Variants in PDE4D observed in about 807,000 individuals in gnomAD.
PDE4D encodes the protein 3',5'-cyclic-AMP phosphodiesterase 4D.
In PDE4D, 24 loss-of-function variants were observed where a neutral mutation model predicts 87.4. The observed-to-expected ratio is 0.27, with a 90% CI of 0.20 to 0.39. The LOEUF (loss-of-function observed/expected upper bound fraction) is 0.39. Ranked by LOEUF, PDE4D falls within the 10% of genes least tolerant of loss-of-function variation. The pLI, the probability that PDE4D is intolerant of heterozygous loss-of-function variation, is 1.00. For synonymous variants in PDE4D, 384 were observed against 383.2 expected, an observed-to-expected ratio of 1.00 and a Z score of -0.02; for missense variants, 714 against 1,041.0, an observed-to-expected ratio of 0.69 and a Z score of 4.32.
chr5:59,433,683 T>C (rs1292974244), intron 1 of PDE4D, among the ~76,000 whole-genome samples: 2 of 152,102 alleles, frequency 1.3e-5, no homozygotes, highest in African/African-American at 4.8e-5. Context: ...TGTTTGTTTT[T>C]GCATACTGGG....
At position 58,973,875 on chromosome 5, in the gene PDE4D, G is replaced by GAATC. The variant is rs1348951779; in HGVS notation, c.*785_*788dup. On this transcript the variant is annotated 3_prime_UTR_variant, in exon 15 of 15. Transcript: ENST00000340635. ...GTCATTGGTATATAAAACAAACAAT[G>GAATC]AATCACTACAAATCAGTTAATTGCT... is the stretch of plus-strand genomic sequence containing the variant. 7.9e-5 allele frequency: 12 copies of GAATC among 152,492 alleles called. 1 individual carries two copies. The South Asian group carries it at 1.3e-3, about 16-fold the overall frequency. 9.4% of individuals were successfully genotyped at this position (152,492 alleles called of 1,614,324 possible).
intron 2 of PDE4D, among the ~76,000 whole-genome samples, chr5:60,027,279 G>C (rs756194236): frequency 6.6e-5 from 10 of 151,928 alleles, no homozygotes; most frequent in Non-Finnish European, 1.2e-4. Context: ...CTTTATATCT[G>C]TGTATAACCA....
At chr5:60,344,049 A>C (rs1758534133) in intron 1 of PDE4D, among the ~76,000 whole-genome samples, 1 of 151,790 alleles carries the variant, frequency 6.6e-6, no homozygotes, top group East Asian at 1.9e-4. Context: ...TTACAGAGTT[A>C]TAAACTGGCA....
intron 1 of PDE4D, among the ~76,000 whole-genome samples, chr5:60,208,073 A>C (rs575613577): frequency 6.6e-6 from 1 of 152,376 alleles, no homozygotes; most frequent in East Asian, 1.9e-4. Flanking sequence ...ACAGCAGTGA[A>C]CAAAAAGAAA....
chr5:60,145,270 T>C (rs771278998), intron 2 of PDE4D, among the ~76,000 whole-genome samples: 9 of 152,190 alleles, frequency 5.9e-5, no homozygotes, highest in Non-Finnish European at 5.9e-5. Context: ...GGGTCATCAC[T>C]TATCTCTGAG....
intron 6 of PDE4D, among the ~76,000 whole-genome samples, chr5:59,005,119 A>G (rs1256003020): frequency 1.3e-5 from 2 of 152,210 alleles, no homozygotes; most frequent in Non-Finnish European, 2.9e-5. Flanking sequence ...AATCATCAAA[A>G]ACATTTAAAA....
intron 5 of PDE4D, among the ~76,000 whole-genome samples, chr5:59,064,733 C>A (rs1763629975): frequency 6.6e-6 from 1 of 151,924 alleles, no homozygotes; most frequent in Admixed American, 6.6e-5. Flanking sequence ...TATCAGTAAC[C>A]CTTGAATTAA....
chr5:60,009,877 C>A (rs377121444), intron 2 of PDE4D, among the ~76,000 whole-genome samples: 8 of 151,960 alleles, frequency 5.3e-5, no homozygotes, highest in South Asian at 2.1e-4. Context: ...TCACATTTCA[C>A]GTTTTGTTTA....
chr5:59,363,914 T>A (rs1277981145), intron 1 of PDE4D, among the ~76,000 whole-genome samples: 5 of 152,154 alleles, frequency 3.3e-5, no homozygotes, highest in Non-Finnish European at 7.3e-5. Context: ...TGAGGAAAAG[T>A]GATCCTGTCA....
At chr5:59,435,182 A>G (rs1032353310) in intron 1 of PDE4D, among the ~76,000 whole-genome samples, 1 of 152,036 alleles carries the variant, frequency 6.6e-6, no homozygotes, top group African/African-American at 2.4e-5. Flanking sequence ...CCTCAAATCT[A>G]TCCTTCACTT....
At chr5:59,928,819 A>C (rs1199694284) in intron 3 of PDE4D, among the ~76,000 whole-genome samples, 2 of 150,542 alleles carry the variant, frequency 1.3e-5, no homozygotes, top group African/African-American at 4.9e-5. Flanking sequence ...AAAATGCTCC[A>C]TTTCTATATA....
intron 1 of PDE4D, among the ~76,000 whole-genome samples, chr5:60,292,974 T>C (rs1393884561): frequency 6.6e-6 from 1 of 152,122 alleles, no homozygotes; most frequent in Non-Finnish European, 1.5e-5. Flanking sequence ...ACTCTAAAGT[T>C]TCCTTATGAA....
chr5:59,788,408 C>T (rs995653584), intron 1 of PDE4D, among the ~76,000 whole-genome samples: 1 of 152,182 alleles, frequency 6.6e-6, no homozygotes, highest in African/African-American at 2.4e-5. Context: ...ATGGCAGCTG[C>T]ACTTGAATGC....
chr5:60,151,000 A>T (rs1448481745), intron 2 of PDE4D, among the ~76,000 whole-genome samples: 1 of 152,160 alleles, frequency 6.6e-6, no homozygotes, highest in East Asian at 1.9e-4. Context: ...TTCTAGCCTT[A>T]AAACAATAAA....
intron 1 of PDE4D, among the ~76,000 whole-genome samples, chr5:59,478,252 A>T (rs1803658000): frequency 6.6e-6 from 1 of 152,126 alleles, no homozygotes; most frequent in African/African-American, 2.4e-5. Context: ...AATTACCATC[A>T]TATGGGAATA....
At chr5:59,693,322 C>G (rs1751267742) in intron 1 of PDE4D, among the ~76,000 whole-genome samples, 1 of 151,882 alleles carries the variant, frequency 6.6e-6, no homozygotes, top group Admixed American at 6.6e-5. Context: ...GAATCTTTAC[C>G]AAAAATAGTC....
intron 2 of PDE4D, among the ~76,000 whole-genome samples, chr5:60,118,239 C>A (rs550085788): frequency 6.6e-6 from 1 of 152,224 alleles, no homozygotes; most frequent in Non-Finnish European, 1.5e-5. Context: ...CTGCAAGAGA[C>A]TCAGTCAACC....
At position 60,387,655 on chromosome 5, in the gene PDE4D, C is replaced by T. The variant is rs1270528596; in HGVS notation, c.-90+100287G>A. Among the ~76,000 whole-genome samples, 3 of 152,146 alleles carry T rather than the reference C, an allele frequency of 2.0e-5. No individual in the cohort carries two copies. The East Asian group carries it at 5.8e-4, about 29-fold the overall frequency. ...TGGACAAAACTTTGCCCTTAAAGGTCTGGGCTTCTGTGTCAGGAAAAGCTC... is the reference window on the plus strand; with the variant it reads ...TGGACAAAACTTTGCCCTTAAAGGTTTGGGCTTCTGTGTCAGGAAAAGCTC... On this transcript the variant is annotated intron_variant, in intron 1 of 16. Coordinates refer to the PDE4D transcript ENST00000502484.
chr5:59,893,105 A>C, intron 1 of PDE4D, 63 bp downstream of exon 1: 1 of 1,458,282 alleles, frequency 6.9e-7, no homozygotes, highest in Non-Finnish European at 9.2e-7. Flanking sequence ...ACTTAGATGG[A>C]GTATTTGAGA....
Sources: gnomAD v4.1 joint callset for allele counts (sites outside exome capture counted in the v4.1 genomes callset) on GRCh38, gnomAD v4.1.1 for gene constraint, MANE v1.5 for transcripts, NCBI Gene and HGNC (gene_info 2026-07-23, HGNC 2026-07-21) for gene names.